MAP4K3: variants seen among roughly 807,000 people sequenced by gnomAD.
MAP4K3 encodes the protein mitogen-activated protein kinase kinase kinase kinase 3, also known as MAPK/ERK kinase kinase kinase 3.
In MAP4K3, 94 loss-of-function variants were observed where a neutral mutation model predicts 143.5. The ratio of observed to expected loss-of-function variants is 0.65; its 90% confidence interval spans 0.55 to 0.78. MAP4K3 has a LOEUF of 0.78. Ranked by LOEUF, MAP4K3 falls within the 30% of genes least tolerant of loss-of-function variation. The probability of loss-of-function intolerance (pLI) is 0.00; values close to 1 mark genes in which losing one functional copy is unlikely to be tolerated. For missense variants in MAP4K3, 1,077 were observed against 1,068.1 expected, an observed-to-expected ratio of 1.01 and a Z score of -0.12; for synonymous variants, 416 against 347.2, an observed-to-expected ratio of 1.20 and a Z score of -2.20.
intron 1 of MAP4K3, among the ~76,000 whole-genome samples, chr2:39,389,212 C>T (rs2160661): frequency 0.95 from 144,993 of 152,170 alleles, 69,494 homozygotes; most frequent in South Asian, 1. Flanking sequence ...AAATAAAAAA[C>T]GAAATTAAAA....
chr2:39,285,523 G>A (rs1217065359), intron 21 of MAP4K3, among the ~76,000 whole-genome samples: 1 of 152,188 alleles, frequency 6.6e-6, no homozygotes, highest in Non-Finnish European at 1.5e-5. Flanking sequence ...CAGTTGGACA[G>A]AACTTCATAA....
At chr2:39,298,615 T>C (rs1682380537) in intron 16 of MAP4K3, among the ~76,000 whole-genome samples, 2 of 152,136 alleles carry the variant, frequency 1.3e-5, no homozygotes. Context: ...CTCAACTGCT[T>C]AACTTAAAAT....
At chr2:39,368,992 GCAGT>G (rs1666000413) in intron 2 of MAP4K3, among the ~76,000 whole-genome samples, 1 of 151,938 alleles carries the variant, frequency 6.6e-6, no homozygotes, top group Admixed American at 6.6e-5. Context: ...AAAATCTCAT[GCAGT>G]CACCCCTTCC....
At chr2:39,284,274 G>A (rs1681670237) in intron 21 of MAP4K3, among the ~76,000 whole-genome samples, 1 of 152,020 alleles carries the variant, frequency 6.6e-6, no homozygotes, top group Non-Finnish European at 1.5e-5. Context: ...TGATTCTCGT[G>A]CCTCAGCCTC....
intron 28 of MAP4K3, among the ~76,000 whole-genome samples, chr2:39,263,272 G>GTT (rs869070441): frequency 4.3e-4 from 59 of 136,198 alleles, no homozygotes; most frequent in African/African-American, 8.1e-4. Context: ...ACATATAGAA[G>GTT]TTTTTTTTTT....
intron 1 of MAP4K3, among the ~76,000 whole-genome samples, chr2:39,394,892 AG>A (rs1188779983): frequency 6.6e-6 from 1 of 152,170 alleles, no homozygotes; most frequent in Non-Finnish European, 1.5e-5. Context: ...TGGCCTGGAA[AG>A]GGGCTTTCCT....
In MAP4K3 at chr2:39,307,947, T is replaced by G; in HGVS notation, c.1115A>C (p.Asn372Thr). 6.4e-7 allele frequency: 1 copy of G among 1,563,922 alleles called. No homozygotes were observed. The highest frequency in any genetic ancestry group is 8.7e-7 in the Non-Finnish European group (1 of 1,155,248). The part of the protein sequence containing the change: ...SEEIYYTARS[N>T]LDLQLEYGQG... ...AAATCAGAAGATGAGAAATACCAGA[T>G]TAGATCTTGCAGTGTAGTATATTTC... Residue 372 changes from asparagine to threonine, a missense_variant, in exon 15 of 34, where the codon AAT (asparagine) becomes ACT (threonine). Asn to Thr is a moderately conservative substitution (Grantham distance 65). Coordinates refer to ENST00000263881, the MANE Select transcript of MAP4K3 (RefSeq NM_003618.4).
At chr2:39,395,277 G>C (rs1436953536) in intron 1 of MAP4K3, among the ~76,000 whole-genome samples, 2 of 151,610 alleles carry the variant, frequency 1.3e-5, no homozygotes, top group Non-Finnish European at 2.9e-5. Flanking sequence ...ACAAATCTAA[G>C]CAAGTACATA....
chr2:39,325,250 A>G (rs1683448524), intron 12 of MAP4K3, among the ~76,000 whole-genome samples: 1 of 152,238 alleles, frequency 6.6e-6, no homozygotes, highest in Non-Finnish European at 1.5e-5. Context: ...CTATTTTGAA[A>G]TAACTACAGT....
chr2:39,268,671 G>A (rs1324709497), intron 26 of MAP4K3, among the ~76,000 whole-genome samples: 6 of 116,336 alleles, frequency 5.2e-5, no homozygotes, highest in Non-Finnish European at 6.8e-5. Flanking sequence ...ACGGAGTCTC[G>A]CTCTGTCGCC....
At chr2:39,301,538 A>G (rs944152685) in intron 15 of MAP4K3, among the ~76,000 whole-genome samples, 4 of 152,174 alleles carry the variant, frequency 2.6e-5, no homozygotes, top group Non-Finnish European at 5.9e-5. Flanking sequence ...AGCCAATACA[A>G]TCTCTTAAGC....
intron 3 of MAP4K3, among the ~76,000 whole-genome samples, chr2:39,354,045 C>T (rs1665535367): frequency 6.6e-6 from 1 of 152,126 alleles, no homozygotes; most frequent in Non-Finnish European, 1.5e-5. Flanking sequence ...AAAGATCATG[C>T]TCATTTTACC....
chr2:39,345,744 C>G (rs1665270618), intron 3 of MAP4K3, among the ~76,000 whole-genome samples: 1 of 151,654 alleles, frequency 6.6e-6, no homozygotes, highest in African/African-American at 2.4e-5. Flanking sequence ...ACGGTGAAAC[C>G]ACGTCTCTAC....
At chr2:39,396,484 T>C (rs1174039895) in intron 1 of MAP4K3, among the ~76,000 whole-genome samples, 3 of 151,772 alleles carry the variant, frequency 2.0e-5, no homozygotes, top group Admixed American at 6.6e-5. Flanking sequence ...CCCAATTTTT[T>C]TTTTTTTTTT....
At chr2:39,364,104 G>C (rs765524659) in intron 2 of MAP4K3, among the ~76,000 whole-genome samples, 7 of 151,562 alleles carry the variant, frequency 4.6e-5, no homozygotes, top group Non-Finnish European at 7.4e-5. Context: ...AAACAGTACA[G>C]AAGTTCCTCT....
Position 39,286,950 on chromosome 2 carries a change from A to G in MAP4K3, c.1489T>C (p.Ser497Pro), listed in dbSNP as rs1192464416. 2 of 1,602,488 alleles carry G rather than the reference A, an allele frequency of 1.2e-6. No individual in the cohort carries two copies. The highest frequency in any genetic ancestry group is 1.1e-5 in the South Asian group (1 of 89,424). The change falls in exon 21 of 34, where the codon TCC (serine) becomes CCC (proline). Residue 497 changes from serine (S) to proline (P), a missense_variant. Ser to Pro is a moderately conservative substitution (Grantham distance 74). Transcript: ENST00000263881. The part of the protein sequence containing the change: ...KPVALGNGMS[S>P]FQLNGERDGS... ...TCTCGTTCACCATTTAACTGGAAGGAGCTCATTCCATTTCCTTCAATAAGA... is the reference window on the plus strand; with the variant it reads ...TCTCGTTCACCATTTAACTGGAAGGGGCTCATTCCATTTCCTTCAATAAGA...
chr2:39,428,857 CAA>C (rs1665185597), intron 1 of MAP4K3, among the ~76,000 whole-genome samples: 1 of 151,326 alleles, frequency 6.6e-6, no homozygotes, highest in Admixed American at 6.6e-5. Context: ...ATCACGAGGT[CAA>C]GAGTTCGAGA....
intron 24 of MAP4K3, among the ~76,000 whole-genome samples, chr2:39,277,077 ACT>A (rs1296505555): frequency 2.0e-5 from 3 of 152,198 alleles, no homozygotes; most frequent in South Asian, 4.1e-4. Context: ...CTGAATTAAC[ACT>A]CTTTTACCAT....
chr2:39,289,259 C>T (rs1274168433), intron 19 of MAP4K3, among the ~76,000 whole-genome samples: 2 of 152,088 alleles, frequency 1.3e-5, no homozygotes, highest in Non-Finnish European at 1.5e-5. Flanking sequence ...TATGATAAAA[C>T]TAAACAAGCA....
Sources: gnomAD v4.1 joint callset for allele counts (sites outside exome capture counted in the v4.1 genomes callset) on GRCh38, gnomAD v4.1.1 for gene constraint, MANE v1.5 for transcripts, NCBI Gene and HGNC (gene_info 2026-07-23, HGNC 2026-07-21) for gene names.